EGFL6: variants seen among roughly 807,000 people sequenced by gnomAD.
The protein encoded by EGFL6 is epidermal growth factor-like protein 6.
In EGFL6, 42 loss-of-function variants were observed where a neutral mutation model predicts 43.1. The ratio of observed to expected loss-of-function variants is 0.98; its 90% CI spans 0.76 to 1.26. The LOEUF (loss-of-function observed/expected upper bound fraction) is 1.26. Ranked by LOEUF, EGFL6 falls within the 50% of genes most tolerant of loss-of-function variation. The pLI is 0.00. For synonymous variants in EGFL6, 164 were observed against 163.2 expected, an observed-to-expected ratio of 1.01 and a Z score of -0.04; for missense variants, 429 against 427.8, an observed-to-expected ratio of 1.00 and a Z score of -0.02.
At position 13,594,848 on chromosome X, in the gene EGFL6, C is replaced by G; in HGVS notation, c.200C>G (p.Pro67Arg). Residue 67 changes from proline (P) to arginine (R), a missense_variant, in exon 3 of 12, where the codon CCT becomes CGT. Pro to Arg is a moderately radical substitution (Grantham distance 103). Coordinates refer to ENST00000361306, the MANE Select transcript of EGFL6 (RefSeq NM_015507.4). The stretch of plus-strand genomic sequence containing the variant: ...TTTCCTTCCACAGCTACATGCGAAC[C>G]TGGATGTAAGTTTGGTGAGTGCGTG... ...SKGVCEATCE[P>R]GCKFGECVGP... 4 of 1,209,525 alleles carry G rather than the reference C, an allele frequency of 3.3e-6. No homozygotes were observed. Among genetic ancestry groups the G allele is most frequent in the Non-Finnish European group, 4.5e-6 (4 of 894,057 alleles).
intron 3 of EGFL6, among the ~76,000 whole-genome samples, chrX:13,599,239 T>C (rs985064770): frequency 9.0e-5 from 10 of 111,421 alleles, no homozygotes; most frequent in African/African-American, 3.3e-4. Flanking sequence ...CATAGAATTG[T>C]GCATATATAA....
intron 1 of EGFL6, among the ~76,000 whole-genome samples, chrX:13,570,561 C>T (rs1483609908): frequency 8.9e-6 from 1 of 111,754 alleles, no homozygotes; most frequent in Non-Finnish European, 1.9e-5. Flanking sequence ...TGAAGCCGTT[C>T]CCTACTGCCC....
Position 13,619,182 on chromosome X carries a change from A to G in EGFL6, c.1122A>G (p.Ala374=). 8.3e-7 allele frequency: 1 copy of G among 1,211,711 alleles called. No individual in the cohort carries two copies. The highest frequency in any genetic ancestry group is 1.8e-5 in the South Asian group (1 of 57,018). ...TATTAGTCCCTAAGGTGAATGAAGC[A>G]GGTGAATTCGGCCTGATTCTGGTCC... The part of the protein sequence containing the change: ...GDVFFPKVNE[A]GEFGLILVQR... Residue 374 remains alanine (A), a synonymous_variant, in exon 9 of 12, where the codon GCA becomes GCG. Coordinates refer to ENST00000361306, the MANE Select transcript of EGFL6 (RefSeq NM_015507.4).
chrX:13,606,096 C>T (rs1002275275), intron 5 of EGFL6, among the ~76,000 whole-genome samples: 1 of 111,825 alleles, frequency 8.9e-6, no homozygotes, highest in Non-Finnish European at 1.9e-5. Flanking sequence ...CACATGCTCC[C>T]TGCCTGAGAA....
At chrX:13,604,831 A>T (rs932320097) in intron 5 of EGFL6, among the ~76,000 whole-genome samples, 1 of 112,173 alleles carries the variant, frequency 8.9e-6, no homozygotes, top group Non-Finnish European at 1.9e-5. Flanking sequence ...GTATGATTTC[A>T]TAATCTTCTT....
intron 9 of EGFL6, among the ~76,000 whole-genome samples, chrX:13,622,217 G>GA (rs1188528801): frequency 1.1e-5 from 1 of 90,915 alleles, no homozygotes; most frequent in Non-Finnish European, 2.1e-5. Flanking sequence ...AAGAAGAAAG[G>GA]AAAGTGAGGA....
chrX:13,623,188 C>CA (rs913066220), intron 9 of EGFL6, among the ~76,000 whole-genome samples: 54 of 104,877 alleles, frequency 5.1e-4, no homozygotes, highest in African/African-American at 1.7e-3. Flanking sequence ...GAACCTGTCT[C>CA]AAAAAAAAAG....
chrX:13,603,679 T>C (rs2045646209), intron 5 of EGFL6, among the ~76,000 whole-genome samples: 1 of 112,387 alleles, frequency 8.9e-6, no homozygotes, highest in Non-Finnish European at 1.9e-5. Context: ...AAAGGGATAA[T>C]TTTAGTATAT....
chrX:13,606,424 G>A lies in EGFL6; in HGVS notation c.566G>A (p.Arg189Gln), dbSNP rs182977902. Residue 189 changes from arginine (R) to glutamine (Q), a missense_variant, in exon 6 of 12, where the codon CGA (arginine) becomes CAA (glutamine). Physicochemically the swap from Arg to Gln is conservative, Grantham distance 43 (BLOSUM62 1). Coordinates refer to ENST00000361306, the MANE Select transcript of EGFL6 (RefSeq NM_015507.4). ...GGTAAAGTCATCTGTCCCTACAATC[G>A]AAGATGTGTGAACACATTTGGAAGC... ...ASGKVICPYNRRCVNTFGSYY... is the reference protein window; with the variant it reads ...ASGKVICPYNQRCVNTFGSYY... 24 of 1,208,993 alleles carry A rather than the reference G, an allele frequency of 2.0e-5. No individual in the cohort carries two copies. The highest frequency in any genetic ancestry group is 2.3e-4 in the Middle Eastern group (1 of 4,353).
rs781590281 is a variant in EGFL6 at position 13,598,313 on chromosome X, A to G, written c.281-1662A>G. ...AGCTAGGGCACTGGAAAATCCCCAT[A>G]TAAGGATATTTTCAGAGATGAAAGC... On this transcript the variant is annotated intron_variant, in intron 3 of 11. Transcript: ENST00000361306. Among the ~76,000 whole-genome samples the G allele has an allele frequency of 2.3e-4, 26 of 112,035 alleles. 1 individual carries two copies. The highest frequency in any genetic ancestry group is 4.6e-3 in the Middle Eastern group (1 of 216).
chrX:13,571,273 C>T (rs1033301388), intron 1 of EGFL6, among the ~76,000 whole-genome samples: 55 of 110,900 alleles, frequency 5.0e-4, no homozygotes, highest in African/African-American at 1.8e-3. Context: ...TGGTTTGGTA[C>T]AGGCTTCTCG....
intron 7 of EGFL6, among the ~76,000 whole-genome samples, 160 bp downstream of exon 7, chrX:13,608,606 C>T (rs961533468): frequency 8.9e-6 from 1 of 111,903 alleles, no homozygotes; most frequent in African/African-American, 3.3e-5. Flanking sequence ...CTCTCTGCCT[C>T]AGCCTTCTCT....
At chrX:13,577,296 TTTTATATATATA>T (rs1187296906) in intron 1 of EGFL6, among the ~76,000 whole-genome samples, 10 of 6,243 alleles carry the variant, frequency 1.6e-3, no homozygotes, top group African/African-American at 4.1e-3. Flanking sequence ...TATATATGAA[TTTTATATATATA>T]TATATATATA....
chrX:13,575,290 C>A (rs2045465547), intron 1 of EGFL6, among the ~76,000 whole-genome samples: 1 of 111,536 alleles, frequency 9.0e-6, no homozygotes, highest in Non-Finnish European at 1.9e-5. Context: ...ATTAGCCAGG[C>A]ATGGTGGTGC....
At position 13,630,565 on chromosome X, in the gene EGFL6, C is replaced by T. The variant is rs181149716; in HGVS notation, c.1552-2420C>T. On this transcript the variant is annotated intron_variant, in intron 11 of 11. Transcript: ENST00000361306. ...TTCTGAAAGCAGTTCCCTCCTGAGA[C>T]TAGAGGAAAAAGAAACTTCTATACC... Among the ~76,000 whole-genome samples, 13 of 111,888 alleles carry T rather than the reference C, an allele frequency of 1.2e-4. No individual in the cohort carries two copies. The East Asian group carries it at 3.6e-3, about 31-fold the overall frequency.
At position 13,593,618 on chromosome X, in the gene EGFL6, G is replaced by T. The variant is rs180800459; in HGVS notation, c.188-1218G>T. Among the ~76,000 whole-genome samples, 13 of 111,882 alleles carry T rather than the reference G, an allele frequency of 1.2e-4. No homozygotes were observed. In the East Asian group the frequency reaches 3.7e-3, roughly 31 times the overall value. On this transcript the variant is annotated intron_variant, in intron 2 of 11. Transcript: ENST00000361306. The stretch of plus-strand genomic sequence containing the variant: ...AGGCACTGGTCACAAGCTGTGGTGG[G>T]GAAAGCAGGGAGAGGGATTCAGCAT...
At chrX:13,578,772 C>A (rs2045489238) in intron 1 of EGFL6, among the ~76,000 whole-genome samples, 1 of 107,521 alleles carries the variant, frequency 9.3e-6, no homozygotes, top group African/African-American at 3.6e-5. Context: ...CACACCGGGG[C>A]CTGTCGTGGG....
At position 13,633,109 on chromosome X, in the gene EGFL6, T is replaced by C. The variant is rs370470534; in HGVS notation, c.*14T>C. 6 of 1,160,506 alleles carry C rather than the reference T, an allele frequency of 5.2e-6. No homozygotes were observed. In the African/African-American group the frequency reaches 9.1e-5, roughly 18 times the overall value. On this transcript the variant is annotated 3_prime_UTR_variant, in exon 12 of 12. Transcript: ENST00000361306. ...GTGGATGACTGAATGTTACTATCTTTATATTTGACTTTGTATGTCAGTTCC... is the reference window on the plus strand; with the variant it reads ...GTGGATGACTGAATGTTACTATCTTCATATTTGACTTTGTATGTCAGTTCC...
intron 3 of EGFL6, among the ~76,000 whole-genome samples, chrX:13,598,711 C>A (rs1034305345): frequency 5.6e-5 from 6 of 107,330 alleles, no homozygotes; most frequent in Non-Finnish European, 9.6e-5. Flanking sequence ...ATTTTTTAAA[C>A]CAATTTTGGA....
Sources: gnomAD v4.1 joint callset for allele counts (sites outside exome capture counted in the v4.1 genomes callset) on GRCh38, gnomAD v4.1.1 for gene constraint, MANE v1.5 for transcripts, NCBI Gene and HGNC (gene_info 2026-07-23, HGNC 2026-07-21) for gene names.